Variants in NOS1 observed in about 807,000 individuals in gnomAD.
NOS1 encodes nitric oxide synthase 1.
NOS1 carries 51 observed loss-of-function variants against 164.5 expected under a neutral mutation model. The observed-to-expected ratio is 0.31, with a 90% confidence interval of 0.25 to 0.39. The LOEUF (loss-of-function observed/expected upper bound fraction) is 0.39. NOS1 is among the 10% of genes least tolerant of loss of function. NOS1 has a pLI of 1.00. For synonymous variants in NOS1, 719 were observed against 745.8 expected, an observed-to-expected ratio of 0.96 and a Z score of 0.59; for missense variants, 1,362 against 1,885.6, an observed-to-expected ratio of 0.72 and a Z score of 5.14.
At chr12:117,288,949 A>G (rs1487666966) in intron 4 of NOS1, among the ~76,000 whole-genome samples, 3 of 152,144 alleles carry the variant, frequency 2.0e-5, no homozygotes, top group African/African-American at 7.2e-5. Context: ...AGAAAGCCTC[A>G]CCAAAATCAA....
At chr12:117,326,824 G>T (rs1387426464) in intron 2 of NOS1, among the ~76,000 whole-genome samples, 2 of 152,204 alleles carry the variant, frequency 1.3e-5, no homozygotes, top group East Asian at 1.9e-4. Flanking sequence ...GCCCCTTGGT[G>T]CTTGGTGACA....
intron 3 of NOS1, among the ~76,000 whole-genome samples, chr12:117,290,864 GACAGTCCAA>G (rs1299384651): frequency 6.6e-6 from 1 of 152,110 alleles, no homozygotes; most frequent in African/African-American, 2.4e-5. Context: ...GCCTTTCTGT[GACAGTCCAA>G]ACTCACCATT....
chr12:117,359,500 C>CG, intron 1 of NOS1, among the ~76,000 whole-genome samples: 1 of 152,322 alleles, frequency 6.6e-6, no homozygotes, highest in Admixed American at 6.5e-5. Flanking sequence ...TCATTCCTCT[C>CG]GGGAGGAGAG....
intron 2 of NOS1, among the ~76,000 whole-genome samples, chr12:117,317,128 G>C (rs138846059): frequency 3.9e-5 from 6 of 152,054 alleles, no homozygotes; most frequent in Non-Finnish European, 5.9e-5. Flanking sequence ...TGATCTATCC[G>C]CCTCGGCCTC....
Position 117,313,439 on chromosome 12 carries a change from C to T in NOS1, c.726-1847G>A, listed in dbSNP as rs553048403. Reference sequence around the variant, plus strand: ...CCCCTCCAGTAGCTGGGACTACAGGCGTGCACCACCCTGCCTGGCAATGTT... The same window carrying T: ...CCCCTCCAGTAGCTGGGACTACAGGTGTGCACCACCCTGCCTGGCAATGTT... On this transcript the variant is annotated intron_variant, in intron 2 of 28. Coordinates refer to ENST00000317775, the MANE Select transcript of NOS1 (RefSeq NM_000620.5). 7.0e-4 allele frequency among the ~76,000 whole-genome samples: 107 copies of T among 152,202 alleles called. 2 individuals are homozygous for T. The South Asian group carries it at 0.016, about 23-fold the overall frequency.
chr12:117,320,771 G>A (rs965942265), intron 2 of NOS1, among the ~76,000 whole-genome samples: 2 of 152,032 alleles, frequency 1.3e-5, no homozygotes, highest in Non-Finnish European at 2.9e-5. Flanking sequence ...TCCTTTGCAC[G>A]TCCCAACCCT....
At chr12:117,285,494 C>A (rs1039847597) in intron 6 of NOS1, among the ~76,000 whole-genome samples, 162 bp from the exon 7 acceptor site, 4 of 151,114 alleles carry the variant, frequency 2.6e-5, no homozygotes, top group Non-Finnish European at 5.9e-5. Flanking sequence ...TTTATATTTT[C>A]TCTTTTCTAT....
At chr12:117,282,211 G>T (rs987647865) in intron 7 of NOS1, among the ~76,000 whole-genome samples, 1 of 150,562 alleles carries the variant, frequency 6.6e-6, no homozygotes, top group Non-Finnish European at 1.5e-5. Context: ...TCATCATCAG[G>T]ATTGGAAAAA....
At chr12:117,246,721 C>T (rs1050684503) in intron 18 of NOS1, among the ~76,000 whole-genome samples, 1 of 152,138 alleles carries the variant, frequency 6.6e-6, no homozygotes, top group African/African-American at 2.4e-5. Context: ...AAATGGAATC[C>T]TGCAATACAT....
At chr12:117,242,966 GAGAC>G (rs780831871) in intron 19 of NOS1, among the ~76,000 whole-genome samples, 5 of 152,234 alleles carry the variant, frequency 3.3e-5, no homozygotes, top group Non-Finnish European at 7.3e-5. Context: ...AGTAGAATGA[GAGAC>G]AGAAGAGAGG....
At chr12:117,231,128 G>A (rs1869177628) in intron 22 of NOS1, among the ~76,000 whole-genome samples, 1 of 151,968 alleles carries the variant, frequency 6.6e-6, no homozygotes, top group Admixed American at 6.6e-5. Flanking sequence ...GGGGTTTGAT[G>A]GTGAAACTCC....
At chr12:117,355,724 GCTAA>G (rs946217294) in intron 1 of NOS1, among the ~76,000 whole-genome samples, 1 of 152,088 alleles carries the variant, frequency 6.6e-6, no homozygotes, top group African/African-American at 2.4e-5. Flanking sequence ...ACACCAACTG[GCTAA>G]CTCTTTTTTA....
At chr12:117,354,207 C>G (rs146158981) in intron 1 of NOS1, among the ~76,000 whole-genome samples, 2 of 150,294 alleles carry the variant, frequency 1.3e-5, no homozygotes, top group African/African-American at 5.0e-5. Flanking sequence ...CAGCTGGAAG[C>G]GAAAATATTT....
intron 17 of NOS1, among the ~76,000 whole-genome samples, chr12:117,253,057 C>A (rs1168413229): frequency 6.6e-6 from 1 of 152,142 alleles, no homozygotes; most frequent in Non-Finnish European, 1.5e-5. Context: ...TGTGACTACG[C>A]CATGAGATAA....
At chr12:117,262,051 C>G (rs1205363825) in intron 13 of NOS1, among the ~76,000 whole-genome samples, 1 of 152,178 alleles carries the variant, frequency 6.6e-6, no homozygotes, top group African/African-American at 2.4e-5. Flanking sequence ...AACTTCCCCC[C>G]ACCTGGGATT....
rs780874897 is a variant in NOS1 at position 117,231,945 on chromosome 12, G to A, written c.3405+17C>T. 3 of 1,606,864 alleles carry A rather than the reference G, an allele frequency of 1.9e-6. No homozygotes were observed. Among genetic ancestry groups the A allele is most frequent in the African/African-American group, 1.3e-5 (1 of 74,758 alleles). ...TGAAATGCGCCCCCTAGGGTTGTGCGAAGCCTGGGGACCCACCTTGCTGAG... is the reference window on the plus strand; with the variant it reads ...TGAAATGCGCCCCCTAGGGTTGTGCAAAGCCTGGGGACCCACCTTGCTGAG... On this transcript the variant is annotated intron_variant, in intron 22 of 28. Coordinates refer to ENST00000317775, the MANE Select transcript of NOS1 (RefSeq NM_000620.5).
At chr12:117,222,604 T>G in intron 26 of NOS1, 111 bp downstream of exon 26, 3 of 1,017,280 alleles carry the variant, frequency 2.9e-6, no homozygotes, top group Non-Finnish European at 4.4e-6. Flanking sequence ...AGCAACTTCA[T>G]AGAGGGAAAA....
At chr12:117,242,773 G>C in intron 19 of NOS1, 68 bp from the exon 20 acceptor site, 1 of 1,420,612 alleles carries the variant, frequency 7.0e-7, no homozygotes, top group Non-Finnish European at 1.0e-6. Flanking sequence ...TCCCCAGGTG[G>C]GGCAACGTGG....
At position 117,212,212 on chromosome 12, in the gene NOS1, T is replaced by C; in HGVS notation, c.*3097A>G. 1.0e-6 allele frequency: 1 copy of C among 985,350 alleles called. No individual in the cohort carries two copies. Among genetic ancestry groups the C allele is most frequent in the Non-Finnish European group, 1.2e-6 (1 of 829,898 alleles). 61.0% of individuals were successfully genotyped at this position (985,350 alleles called of 1,614,324 possible). ...AAAATGCAGTAAGTTTTGAACCAGG[T>C]ACTGTAACTGGGCATTTCGTGGGCA... On this transcript the variant is annotated 3_prime_UTR_variant, in exon 29 of 29. Transcript: ENST00000317775.
Sources: allele counts gnomAD v4.1 joint callset (sites outside exome capture counted in the v4.1 genomes callset), GRCh38; gene constraint gnomAD v4.1.1; transcripts MANE v1.5; gene names NCBI Gene and HGNC (gene_info 2026-07-23, HGNC 2026-07-21).